The following SIRT5 variants were observed in gnomAD, a reference collection of about 807,000 sequenced individuals.
The protein encoded by SIRT5 is sirtuin 5.
SIRT5 carries 26 observed loss-of-function variants against 40.0 expected under a neutral mutation model. That is an observed-to-expected ratio of 0.65 (90% CI 0.48 to 0.90). SIRT5 has a LOEUF of 0.90. Ranked by LOEUF, SIRT5 falls within the 40% of genes least tolerant of loss-of-function variation. The pLI, the probability that SIRT5 is intolerant of heterozygous loss-of-function variation, is 0.00. For missense variants in SIRT5, 401 were observed against 402.4 expected (o/e 1.00, Z 0.03); for synonymous variants, 146 against 149.1 (o/e 0.98, Z 0.15).
chr6:13,604,978 T>C (rs1481817768), intron 9 of SIRT5: 4 of 988,174 alleles, frequency 4.0e-6, no homozygotes, highest in African/African-American at 3.5e-5. Context: ...AAGCCAGCAA[T>C]GCTTTTTTCT....
chr6:13,575,751 T>G (rs1032711923), intron 1 of SIRT5, among the ~76,000 whole-genome samples: 10 of 152,144 alleles, frequency 6.6e-5, no homozygotes, highest in Non-Finnish European at 7.3e-5. Context: ...TCACTAAAAC[T>G]TACTCCTCTT....
chr6:13,595,404 T>A (rs1761436549), intron 5 of SIRT5, 73 bp from the exon 6 acceptor site: 1 of 1,143,616 alleles, frequency 8.7e-7, no homozygotes, highest in African/African-American at 1.5e-5. Context: ...AAGTATCTTA[T>A]ACCCTTTTAG....
intron 5 of SIRT5, among the ~76,000 whole-genome samples, chr6:13,592,999 G>A (rs1402361695): frequency 6.8e-6 from 1 of 147,316 alleles, no homozygotes; most frequent in Non-Finnish European, 1.5e-5. Context: ...TTGCAGCCTT[G>A]AACTCCTGGC....
At chr6:13,580,833 T>C (rs1759256188) in intron 2 of SIRT5, among the ~76,000 whole-genome samples, 1 of 151,998 alleles carries the variant, frequency 6.6e-6, no homozygotes, top group Admixed American at 6.6e-5. Flanking sequence ...CATGCCCAGC[T>C]ACTTTTTTGT....
At chr6:13,600,996 A>G (rs1762303311) in intron 9 of SIRT5, 47 bp downstream of exon 9, 2 of 1,415,492 alleles carry the variant, frequency 1.4e-6, no homozygotes, top group Non-Finnish European at 2.0e-6. Flanking sequence ...AGGCAGGTAC[A>G]GACATGGTCA....
intron 9 of SIRT5, among the ~76,000 whole-genome samples, chr6:13,601,807 G>A (rs1162237767): frequency 1.3e-5 from 2 of 151,298 alleles, no homozygotes; most frequent in East Asian, 1.9e-4. Context: ...AGCCAGGATA[G>A]GAACCACTCT....
intron 4 of SIRT5, among the ~76,000 whole-genome samples, chr6:13,591,299 C>T (rs189957345): frequency 5.1e-4 from 78 of 152,302 alleles, no homozygotes; most frequent in South Asian, 3.7e-3. Context: ...AAAATGAGAT[C>T]CACTTCGTGT....
At position 13,598,068 on chromosome 6, in the gene SIRT5, C is replaced by T. The variant is rs114371442; in HGVS notation, c.618-964C>T. Reference sequence around the variant, plus strand: ...TGCCTTCTAAAAAGTGGTTGTAATACGTATGTTAATGCTTTACTGGCTTAT... The same window carrying T: ...TGCCTTCTAAAAAGTGGTTGTAATATGTATGTTAATGCTTTACTGGCTTAT... On this transcript the variant is annotated intron_variant, in intron 7 of 9. Coordinates refer to ENST00000606117, the MANE Select transcript of SIRT5 (RefSeq NM_012241.5). 3.4e-3 allele frequency among the ~76,000 whole-genome samples: 514 copies of T among 152,266 alleles called. 3 individuals are homozygous for T. The highest frequency in any genetic ancestry group is 0.012 in the African/African-American group (482 of 41,532).
In SIRT5 at chr6:13,600,868, T is replaced by C; in HGVS notation, c.776T>C (p.Met259Thr). ...GTSSVVYPAA[M>T]FAPQVAARGV... is the part of the protein sequence containing the mutation. ...TCCTCTGTGGTGTACCCAGCAGCCA[T>C]GTTTGCCCCCCAGGTGGCTGCCAGG... Residue 259 changes from methionine to threonine, a missense_variant, in exon 9 of 10, where the codon ATG (methionine) becomes ACG (threonine). Transcript: ENST00000606117. The C allele has an allele frequency of 6.2e-7, 1 of 1,614,120 alleles. No individual in the cohort carries two copies. The highest frequency in any genetic ancestry group is 2.2e-5 in the East Asian group (1 of 44,882).
intron 2 of SIRT5, among the ~76,000 whole-genome samples, chr6:13,583,469 T>A (rs566010049): frequency 6.3e-4 from 96 of 152,034 alleles, no homozygotes; most frequent in Non-Finnish European, 1.1e-3. Context: ...TAATTTTTTG[T>A]ATTTAGTAGA....
intron 2 of SIRT5, 122 bp from the exon 3 acceptor site, chr6:13,583,954 A>G (rs1759716763): frequency 4.7e-6 from 2 of 428,306 alleles, no homozygotes; most frequent in Admixed American, 3.9e-5. Flanking sequence ...GCGTGTGGGT[A>G]TAATATAATA....
intron 4 of SIRT5, among the ~76,000 whole-genome samples, chr6:13,588,787 G>GTTAT (rs1211449120): frequency 6.6e-6 from 1 of 152,174 alleles, no homozygotes; most frequent in Non-Finnish European, 1.5e-5. Flanking sequence ...TTGAACTCAA[G>GTTAT]TATGACACAT....
At chr6:13,589,218 A>C (rs1016029879) in intron 4 of SIRT5, 1 of 152,654 alleles carries the variant, frequency 6.6e-6, no homozygotes, top group Non-Finnish European at 1.5e-5. Flanking sequence ...GCTCACTGCA[A>C]CCTCTGCCTC....
At chr6:13,589,954 C>T (rs1760615890) in intron 4 of SIRT5, among the ~76,000 whole-genome samples, 1 of 152,166 alleles carries the variant, frequency 6.6e-6, no homozygotes, top group African/African-American at 2.4e-5. Context: ...CTATAAACTA[C>T]TCCAGGCCAT....
Position 13,608,585 on chromosome 6 carries a change from T to TA in SIRT5, c.858-3190dup, listed in dbSNP as rs751373309. Among the ~76,000 whole-genome samples the TA allele has an allele frequency of 4.9e-3, 681 of 137,604 alleles. 4 individuals are homozygous for TA. The highest frequency in any genetic ancestry group is 0.012 in the East Asian group (58 of 4,814). The allele number at this position is 137,604 out of a possible 152,430, so 90.3% of individuals were successfully genotyped here. On this transcript the variant is annotated intron_variant, in intron 9 of 9. Transcript: ENST00000606117. ...TGGGTGACACAGTGAGACTCTGTCTTAAAAAAAAAAAAAAAGAGAGAGAGA... is the reference window on the plus strand; with the variant it reads ...TGGGTGACACAGTGAGACTCTGTCTTAAAAAAAAAAAAAAAAGAGAGAGAGA...
intron 2 of SIRT5, among the ~76,000 whole-genome samples, chr6:13,583,314 G>C (rs1337481238): frequency 1.2e-5 from 1 of 86,212 alleles, no homozygotes; most frequent in African/African-American, 4.9e-5. Flanking sequence ...TTTTTTTTGA[G>C]ATGGAGTTTT....
At chr6:13,606,870 C>T (rs369100527) in intron 9 of SIRT5, among the ~76,000 whole-genome samples, 2 of 151,556 alleles carry the variant, frequency 1.3e-5, no homozygotes, top group Non-Finnish European at 2.9e-5. Flanking sequence ...TTAGTAGAGA[C>T]GGGATTTCAC....
rs778210608 is a variant in SIRT5 at position 13,607,505 on chromosome 6, G to A, written c.858-4285G>A. Reference sequence around the variant, plus strand: ...CAGCTCTATTTTTGCAGTTTATTACGTAATTTTAAATGCAGCAGGATGATT... The same window carrying A: ...CAGCTCTATTTTTGCAGTTTATTACATAATTTTAAATGCAGCAGGATGATT... On this transcript the variant is annotated intron_variant, in intron 9 of 9. Transcript: ENST00000606117. The surrounding 1 kb of genome is among the most constrained non-coding windows in gnomAD (Gnocchi z 4.0). Among the ~76,000 whole-genome samples, 13 of 152,146 alleles carry A rather than the reference G, an allele frequency of 8.5e-5. No homozygotes were observed. Among genetic ancestry groups the A allele is most frequent in the South Asian group, 2.1e-4 (1 of 4,816 alleles).
At chr6:13,597,535 G>T (rs1260545355) in intron 7 of SIRT5, among the ~76,000 whole-genome samples, 1 of 148,068 alleles carries the variant, frequency 6.8e-6, no homozygotes, top group African/African-American at 2.5e-5. Context: ...AAGTTTTTTT[G>T]TTGTGTTTAT....
Sources: allele counts gnomAD v4.1 joint callset (sites outside exome capture counted in the v4.1 genomes callset), GRCh38; gene constraint gnomAD v4.1.1; non-coding constraint Gnocchi (gnomAD v3.1); transcripts MANE v1.5; gene names NCBI Gene and HGNC (gene_info 2026-07-23, HGNC 2026-07-21).